The following RERE variants were observed in gnomAD, a reference collection of about 807,000 sequenced individuals.
RERE encodes the protein arginine-glutamic acid dipeptide repeats.
In RERE, 40 loss-of-function variants were observed where a neutral mutation model predicts 146.1. The observed-to-expected ratio is 0.27, with a 90% CI of 0.21 to 0.36. The LOEUF is 0.36. Ranked by LOEUF, RERE falls within the 10% of genes least tolerant of loss-of-function variation. The probability of loss-of-function intolerance (pLI) is 1.00; values close to 1 mark genes in which losing one functional copy is unlikely to be tolerated. For missense variants in RERE, 1,933 were observed against 2,138.7 expected (o/e 0.90, Z 1.90); for synonymous variants, 1,003 against 866.0 (o/e 1.16, Z -2.78).
chr1:8,381,064 C>T (rs1429889373), intron 12 of RERE: 7 of 455,572 alleles, frequency 1.5e-5, no homozygotes, highest in Admixed American at 7.1e-5. Flanking sequence ...TGGCCCACCC[C>T]TCCAGCTCTA....
intron 1 of RERE, among the ~76,000 whole-genome samples, chr1:8,692,914 C>T (rs150151697): frequency 1.4e-4 from 21 of 152,214 alleles, no homozygotes; most frequent in African/African-American, 4.6e-4. Context: ...TTTCCGCTTA[C>T]AAGACAGAGT....
chr1:8,485,533 T>G (rs1570317696), intron 10 of RERE, among the ~76,000 whole-genome samples: 1 of 151,102 alleles, frequency 6.6e-6, no homozygotes, highest in Non-Finnish European at 1.5e-5. Flanking sequence ...AAAACAAGAT[T>G]CAAAGTAAGA....
At chr1:8,649,921 A>T (rs555344079) in intron 2 of RERE, among the ~76,000 whole-genome samples, 1 of 152,262 alleles carries the variant, frequency 6.6e-6, no homozygotes, top group South Asian at 2.1e-4. Flanking sequence ...AAAAAAGGCT[A>T]TAACAGTATT....
intron 20 of RERE, 99 bp downstream of exon 20, chr1:8,358,097 A>G (rs1641369368): frequency 3.3e-6 from 5 of 1,502,686 alleles, no homozygotes; most frequent in Non-Finnish European, 4.4e-6. Context: ...GGATCTGTTC[A>G]GAAAAGAACA....
chr1:8,398,651 G>A (rs756246635), intron 12 of RERE, among the ~76,000 whole-genome samples: 5 of 152,136 alleles, frequency 3.3e-5, no homozygotes, highest in Non-Finnish European at 7.3e-5. Flanking sequence ...ACTCTAGTGT[G>A]GGGGAGGAGT....
At chr1:8,575,550 TA>T (rs1215791847) in intron 4 of RERE, among the ~76,000 whole-genome samples, 67 of 67,578 alleles carry the variant, frequency 9.9e-4, no homozygotes, top group African/African-American at 4.6e-3. Context: ...TATATATATA[TA>T]TATATATATA....
chr1:8,460,977 G>C (rs949352863), intron 11 of RERE, among the ~76,000 whole-genome samples: 1 of 152,140 alleles, frequency 6.6e-6, no homozygotes, highest in Non-Finnish European at 1.5e-5. Flanking sequence ...TGCTAATTAA[G>C]AGCACAGCAT....
chr1:8,617,280 C>A lies in RERE; in HGVS notation c.397-2594G>T, dbSNP rs190041052. 2.7e-4 allele frequency among the ~76,000 whole-genome samples: 37 copies of A among 135,272 alleles called. No individual in the cohort carries two copies. The East Asian group carries it at 7.3e-3, about 27-fold the overall frequency. 88.7% of individuals were successfully genotyped at this position (135,272 alleles called of 152,430 possible). A position where few individuals can be genotyped will look rare whatever the true frequency, so the allele number is the denominator to read the frequency against. On this transcript the variant is annotated intron_variant, in intron 3 of 22. Coordinates refer to ENST00000400908, the MANE Select transcript of RERE (RefSeq NM_001042681.2). Reference sequence around the variant, plus strand: ...AATCGCTTGAACCCAGAGGCGGAGGCTGGAAAGAGCTGAGATCGTGCCATT... The same window carrying A: ...AATCGCTTGAACCCAGAGGCGGAGGATGGAAAGAGCTGAGATCGTGCCATT...
rs970420761 is a variant in RERE at position 8,497,341 on chromosome 1, T to C, written c.1004+64A>G. 8.9e-6 allele frequency: 14 copies of C among 1,567,266 alleles called. No individual in the cohort carries two copies. In the African/African-American group the frequency reaches 1.9e-4, roughly 21 times the overall value. On this transcript the variant is annotated intron_variant, in intron 9 of 22. Transcript: ENST00000400908. The stretch of plus-strand genomic sequence containing the variant: ...AAAATCTCAGGGGAAATGCAAAGTT[T>C]ACTGCCTATAATCAGTTCAGATGGT...
rs570175791 is a variant in RERE at position 8,403,977 on chromosome 1, C to T, written c.1284+18750G>A. 3.4e-4 allele frequency among the ~76,000 whole-genome samples: 52 copies of T among 151,774 alleles called. No homozygotes were observed. In the South Asian group the frequency reaches 4.8e-3, roughly 14 times the overall value. ...ACCTGAGTAGCTGGGATTACAGGCACGCGTCACCACGTCCAGCTAATTTTC... is the reference window on the plus strand; with the variant it reads ...ACCTGAGTAGCTGGGATTACAGGCATGCGTCACCACGTCCAGCTAATTTTC... On this transcript the variant is annotated intron_variant, in intron 12 of 22. Coordinates refer to ENST00000400908, the MANE Select transcript of RERE (RefSeq NM_001042681.2).
chr1:8,774,964 T>C lies in RERE; in HGVS notation c.-145+42196A>G, dbSNP rs11121231. Reference sequence around the variant, plus strand: ...TCTTCTTTCTTTCTTTTTTTTTTTTTTTTTTTTTTTTTTTTTTGAAACAGT... The same window carrying C: ...TCTTCTTTCTTTCTTTTTTTTTTTTCTTTTTTTTTTTTTTTTTGAAACAGT... On this transcript the variant is annotated intron_variant, in intron 1 of 22. Coordinates refer to ENST00000400908, the MANE Select transcript of RERE (RefSeq NM_001042681.2). 4.3e-3 allele frequency among the ~76,000 whole-genome samples: 501 copies of C among 117,606 alleles called. 8 individuals are homozygous for C. Among genetic ancestry groups the C allele is most frequent in the South Asian group, 0.011 (38 of 3,484 alleles). The allele number at this position is 117,606 out of a possible 152,430, so 77.2% of individuals were successfully genotyped here.
chr1:8,763,266 A>C (rs1248668485), intron 1 of RERE, among the ~76,000 whole-genome samples: 1 of 152,122 alleles, frequency 6.6e-6, no homozygotes, highest in Non-Finnish European at 1.5e-5. Flanking sequence ...TAAAAAAATA[A>C]GTAAGAGGTA....
intron 15 of RERE, 124 bp downstream of exon 15, chr1:8,363,932 C>T (rs1422836831): frequency 3.8e-5 from 33 of 870,172 alleles, no homozygotes; most frequent in Non-Finnish European, 5.5e-5. Flanking sequence ...GGCAAAGCAG[C>T]TCCCCTCCAG....
intron 1 of RERE, among the ~76,000 whole-genome samples, chr1:8,775,117 C>T (rs1202950178): frequency 1.3e-5 from 2 of 151,902 alleles, no homozygotes; most frequent in Non-Finnish European, 2.9e-5. Flanking sequence ...CACGCCACCA[C>T]GCCCGGCTAA....
chr1:8,740,422 C>T (rs1323593692), intron 1 of RERE, among the ~76,000 whole-genome samples: 1 of 152,168 alleles, frequency 6.6e-6, no homozygotes. Flanking sequence ...TACTATACAC[C>T]ACTGTGAACT....
chr1:8,370,436 C>T (rs1338212292), intron 12 of RERE, among the ~76,000 whole-genome samples: 1 of 152,090 alleles, frequency 6.6e-6, no homozygotes, highest in African/African-American at 2.4e-5. Context: ...ATACAGTGGT[C>T]AAAACTCATG....
chr1:8,795,897 G>A (rs183037759), intron 1 of RERE, among the ~76,000 whole-genome samples: 55 of 148,362 alleles, frequency 3.7e-4, no homozygotes, highest in African/African-American at 1.3e-3. Flanking sequence ...CAGGAGAATC[G>A]CTTGAACCTA....
intron 12 of RERE, among the ~76,000 whole-genome samples, chr1:8,410,895 T>C (rs764675084): frequency 2.6e-5 from 4 of 152,208 alleles, no homozygotes; most frequent in African/African-American, 9.7e-5. Flanking sequence ...TTTCTCCCCA[T>C]GCTCAATAAG....
intron 12 of RERE, among the ~76,000 whole-genome samples, chr1:8,392,185 C>T (rs1322595368): frequency 6.6e-6 from 1 of 152,152 alleles, no homozygotes; most frequent in Non-Finnish European, 1.5e-5. Flanking sequence ...ACTTGACTTA[C>T]CTTGTAAAGA....
Sources: allele counts gnomAD v4.1 joint callset (sites outside exome capture counted in the v4.1 genomes callset), GRCh38; gene constraint gnomAD v4.1.1; transcripts MANE v1.5; gene names NCBI Gene and HGNC (gene_info 2026-07-23, HGNC 2026-07-21).